The following PCLO variants were observed in gnomAD, a reference collection of about 807,000 sequenced individuals.
The protein encoded by PCLO is protein piccolo.
Under a neutral mutation model 427.5 loss-of-function variants are expected in PCLO, and 82 were observed. The observed-to-expected ratio is 0.19, with a 90% CI of 0.16 to 0.23. The LOEUF is 0.23. PCLO is among the 10% of genes least tolerant of loss of function. The pLI is 1.00. For synonymous variants in PCLO, 2,357 were observed against 2,155.4 expected, an observed-to-expected ratio of 1.09 and a Z score of -2.59; for missense variants, 6,239 against 6,115.9, an observed-to-expected ratio of 1.02 and a Z score of -0.67.
At chr7:82,999,865 A>G (rs1300754370) in intron 3 of PCLO, among the ~76,000 whole-genome samples, 1 of 122,772 alleles carries the variant, frequency 8.1e-6, no homozygotes, top group Non-Finnish European at 1.6e-5. Flanking sequence ...TATTATATAA[A>G]ATATAATATA....
chr7:82,833,341 G>C (rs1792144161), intron 16 of PCLO, among the ~76,000 whole-genome samples: 3 of 152,180 alleles, frequency 2.0e-5, no homozygotes, highest in Admixed American at 6.6e-5. Flanking sequence ...AGTGTGATGA[G>C]AGAAAACCAG....
chr7:82,967,332 T>C (rs1412679552), intron 3 of PCLO, among the ~76,000 whole-genome samples: 4 of 151,422 alleles, frequency 2.6e-5, no homozygotes, highest in East Asian at 3.9e-4. Context: ...GCGCCACCCA[T>C]GCCCGGCTAA....
intron 3 of PCLO, chr7:83,017,758 C>T (rs530203155): frequency 1.3e-5 from 2 of 151,890 alleles, no homozygotes; most frequent in Non-Finnish European, 2.9e-5. Flanking sequence ...ATTTGAAGTT[C>T]CTGTGTAATG....
Position 82,925,325 on chromosome 7 carries a change from T to C in PCLO, c.11113-8452A>G, listed in dbSNP as rs937994087. 3.3e-5 allele frequency among the ~76,000 whole-genome samples: 5 copies of C among 152,228 alleles called. No homozygotes were observed. In the South Asian group the frequency reaches 6.2e-4, roughly 19 times the overall value. ...TGCAGTAAAGGAATTAACATATTCC[T>C]TTGATTTTAGGAATTTAGGTTGGGA... On this transcript the variant is annotated intron_variant, in intron 6 of 24. Coordinates refer to ENST00000333891, the MANE Select transcript of PCLO (RefSeq NM_033026.6).
rs761998395 is a variant in PCLO at position 83,134,938 on chromosome 7, A to C, written c.2612T>G (p.Met871Arg). Residue 871 changes from methionine (M) to arginine (R), a missense_variant, in exon 3 of 25, where the codon ATG (methionine) becomes AGG (arginine). Physicochemically the swap from Met to Arg is moderately conservative, Grantham distance 91. Transcript: ENST00000333891. ...KMSPKPDAKP[M>R]PKGSPTPPGP... ...AGGGGGTGTTGGTGACCCTTTTGGC[A>C]TTGGCTTGGCATCTGGTTTAGGACT... is the stretch of plus-strand genomic sequence containing the variant. The C allele has an allele frequency of 6.2e-7, 1 of 1,607,044 alleles. No individual in the cohort carries two copies. The highest frequency in any genetic ancestry group is 8.5e-7 in the Non-Finnish European group (1 of 1,177,032).
intron 3 of PCLO, among the ~76,000 whole-genome samples, chr7:83,010,009 A>G (rs927763273): frequency 1.5e-4 from 23 of 151,926 alleles, no homozygotes; most frequent in African/African-American, 5.3e-4. Flanking sequence ...CTCACTACTG[A>G]GCAAGTTACC....
intron 22 of PCLO, among the ~76,000 whole-genome samples, chr7:82,800,025 G>T (rs1436701924): frequency 6.6e-6 from 1 of 152,090 alleles, no homozygotes; most frequent in African/African-American, 2.4e-5. Flanking sequence ...GCAGGTTTGG[G>T]ACTAATCAAC....
At chr7:83,059,771 G>A (rs1327894007) in intron 3 of PCLO, among the ~76,000 whole-genome samples, 1 of 151,978 alleles carries the variant, frequency 6.6e-6, no homozygotes, top group Non-Finnish European at 1.5e-5. Flanking sequence ...GAAGGAGAGA[G>A]CAACCAAGGT....
intron 3 of PCLO, among the ~76,000 whole-genome samples, chr7:83,124,540 T>G (rs1791375769): frequency 6.6e-6 from 1 of 151,918 alleles, no homozygotes; most frequent in Non-Finnish European, 1.5e-5. Flanking sequence ...TGGAGAAAGG[T>G]GAGCCCTCAC....
chr7:82,888,794 A>T (rs2116102988), intron 9 of PCLO, among the ~76,000 whole-genome samples: 1 of 152,238 alleles, frequency 6.6e-6, no homozygotes, highest in Admixed American at 6.5e-5. Context: ...CAAACAAAAT[A>T]AAAATAATCT....
Position 82,827,962 on chromosome 7 carries a change from C to G in PCLO, c.14254G>C (p.Glu4752Gln). 6.3e-7 allele frequency: 1 copy of G among 1,578,304 alleles called. No individual in the cohort carries two copies. ...ACATGTTTAGTCCTTCTCTTGTACT[C>G]AGCACTGAATTGGGAGAAAAGAAAG... ...QVMVVQNASA[E>Q]YKRRTKHVQK... Residue 4752 changes from glutamate to glutamine, a missense_variant, in exon 17 of 25, where the codon GAG (glutamate) becomes CAG (glutamine). Glu to Gln is a conservative substitution (Grantham distance 29, BLOSUM62 2). Transcript: ENST00000333891.
chr7:82,797,111 ATGTT>A (rs1791240411), intron 22 of PCLO, among the ~76,000 whole-genome samples: 1 of 152,044 alleles, frequency 6.6e-6, no homozygotes, highest in Non-Finnish European at 1.5e-5. Context: ...AATTTCTAGA[ATGTT>A]TGAGATTTAT....
intron 6 of PCLO, among the ~76,000 whole-genome samples, chr7:82,936,120 T>C (rs1021169841): frequency 6.6e-6 from 1 of 151,518 alleles, no homozygotes; most frequent in Non-Finnish European, 1.5e-5. Flanking sequence ...AGAGTGCACA[T>C]TCCTCTCAGG....
chr7:82,798,704 T>C (rs764161012), intron 22 of PCLO, among the ~76,000 whole-genome samples: 50 of 152,334 alleles, frequency 3.3e-4, no homozygotes, highest in Admixed American at 5.9e-4. Context: ...TTTTAAAATA[T>C]TTTGCTTATA....
intron 3 of PCLO, among the ~76,000 whole-genome samples, chr7:83,083,380 C>A (rs1293258130): frequency 6.6e-6 from 1 of 151,770 alleles, no homozygotes; most frequent in Non-Finnish European, 1.5e-5. Flanking sequence ...AAAAAGTGAG[C>A]AATACAACAA....
intron 10 of PCLO, chr7:82,849,035 G>A (rs927764379): frequency 4.7e-5 from 11 of 233,668 alleles, no homozygotes; most frequent in African/African-American, 2.0e-4. Context: ...TAAGGAGGAA[G>A]AGTACATTAA....
At position 83,096,804 on chromosome 7, in the gene PCLO, A is replaced by ATATATTAT. The variant is rs556750782; in HGVS notation, c.3300+37445_3300+37446insATAATATA. Among the ~76,000 whole-genome samples the ATATATTAT allele has an allele frequency of 5.8e-4, 27 of 46,250 alleles. 2 individuals carry two copies. The highest frequency in any genetic ancestry group is 2.8e-3 in the African/African-American group (26 of 9,246). The allele number at this position is 46,250 out of a possible 152,430, so 30.3% of individuals were successfully genotyped here. On this transcript the variant is annotated intron_variant, in intron 3 of 24. Coordinates refer to ENST00000333891, the MANE Select transcript of PCLO (RefSeq NM_033026.6). ...ATATAAATATATATAAAAATATATT[A>ATATATTAT]ATATTATATAATATAAATATATAAA...
intron 20 of PCLO, among the ~76,000 whole-genome samples, chr7:82,809,601 G>GTAATAATAA (rs61674452): frequency 0.3 from 44,625 of 149,104 alleles, 7,091 homozygotes; most frequent in East Asian, 0.42. Flanking sequence ...TAATGAATAA[G>GTAATAATAA]TAATAATAAT....
At chr7:82,869,220 T>C (rs906272984) in intron 10 of PCLO, among the ~76,000 whole-genome samples, 1 of 152,112 alleles carries the variant, frequency 6.6e-6, no homozygotes, top group Non-Finnish European at 1.5e-5. Context: ...AGATATAATA[T>C]TGGCATAAAT....
Sources: allele counts gnomAD v4.1 joint callset (sites outside exome capture counted in the v4.1 genomes callset), GRCh38; gene constraint gnomAD v4.1.1; transcripts MANE v1.5; gene names NCBI Gene and HGNC (gene_info 2026-07-23, HGNC 2026-07-21).